The following TRPC7 variants were observed in gnomAD, a reference collection of about 807,000 sequenced individuals.
The protein encoded by TRPC7 is short transient receptor potential channel 7.
Under a neutral mutation model 90.1 loss-of-function variants are expected in TRPC7, and 42 were observed. The observed-to-expected ratio is 0.47, with a 90% confidence interval of 0.36 to 0.60. TRPC7 has a LOEUF of 0.60. TRPC7 is among the 20% of genes least tolerant of loss of function. The pLI, the probability that TRPC7 is intolerant of heterozygous loss-of-function variation, is 0.00. For synonymous variants in TRPC7, 451 were observed against 436.3 expected, an observed-to-expected ratio of 1.03 and a Z score of -0.42; for missense variants, 955 against 1,112.3, an observed-to-expected ratio of 0.86 and a Z score of 2.01.
chr5:136,329,648 G>A (rs1284917250), intron 2 of TRPC7, among the ~76,000 whole-genome samples: 2 of 152,136 alleles, frequency 1.3e-5, no homozygotes, highest in Admixed American at 6.5e-5. Context: ...TGATGAATAC[G>A]AGCTGACTTT....
At chr5:136,345,556 G>A (rs553034356) in intron 2 of TRPC7, among the ~76,000 whole-genome samples, 13 of 151,256 alleles carry the variant, frequency 8.6e-5, no homozygotes, top group East Asian at 1.9e-4. Flanking sequence ...GCGAGACTCC[G>A]CCTCAAAAAA....
intron 4 of TRPC7, among the ~76,000 whole-genome samples, chr5:136,269,440 C>A (rs1234567918): frequency 6.6e-6 from 1 of 152,234 alleles, no homozygotes; most frequent in East Asian, 1.9e-4. Flanking sequence ...CTCTTAGCCC[C>A]CACAAGTGTA....
intron 2 of TRPC7, among the ~76,000 whole-genome samples, chr5:136,341,794 T>C (rs1354022793): frequency 2.0e-5 from 3 of 152,194 alleles, no homozygotes; most frequent in East Asian, 1.9e-4. Flanking sequence ...TGACAATGAA[T>C]TTTTCAACCA....
At chr5:136,276,274 C>T (rs1757363507) in intron 3 of TRPC7, among the ~76,000 whole-genome samples, 1 of 152,210 alleles carries the variant, frequency 6.6e-6, no homozygotes, top group South Asian at 2.1e-4. Flanking sequence ...TCAGGATACC[C>T]ATGTGCTTCC....
chr5:136,232,483 G>T (rs1746300896), intron 7 of TRPC7, among the ~76,000 whole-genome samples: 1 of 152,210 alleles, frequency 6.6e-6, no homozygotes, highest in African/African-American at 2.4e-5. Context: ...GAATGAGAGT[G>T]GGGATTTTGG....
intron 3 of TRPC7, among the ~76,000 whole-genome samples, chr5:136,299,491 A>G (rs1019332782): frequency 6.6e-6 from 1 of 152,182 alleles, no homozygotes; most frequent in African/African-American, 2.4e-5. Context: ...AAATTAAAAC[A>G]TAAATTAAGC....
chr5:136,251,694 G>C lies in TRPC7; in HGVS notation c.1534C>G (p.Leu512Val), dbSNP rs775071978. 10 of 1,613,118 alleles carry C rather than the reference G, an allele frequency of 6.2e-6. No individual in the cohort carries two copies. The South Asian group carries it at 8.8e-5, about 14-fold the overall frequency. ...TCCGGCGGAAGCGAGACATTGTGCA[G>C]CGTGTCGTCCTGCACGTGCTGGTCC... Reference protein sequence around the residue: ...YVDQHVQDDTLHNVSLPPEVA... With the variant: ...YVDQHVQDDTVHNVSLPPEVA... The change falls in exon 6 of 12, where the codon CTG becomes GTG. Residue 512 changes from leucine (L) to valine (V), a missense_variant. Coordinates refer to ENST00000513104, the MANE Select transcript of TRPC7 (RefSeq NM_020389.3).
chr5:136,355,759 C>G (rs1760349861), intron 2 of TRPC7, among the ~76,000 whole-genome samples: 1 of 152,140 alleles, frequency 6.6e-6, no homozygotes, highest in African/African-American at 2.4e-5. Context: ...GATCGTGCCA[C>G]TGCACTCTAG....
At chr5:136,353,261 T>C (rs1161043115) in intron 2 of TRPC7, among the ~76,000 whole-genome samples, 3 of 152,334 alleles carry the variant, frequency 2.0e-5, no homozygotes, top group East Asian at 1.9e-4. Context: ...GTGTCTATTC[T>C]GGTGATAAAT....
chr5:136,305,271 C>T (rs1758574102), intron 3 of TRPC7, among the ~76,000 whole-genome samples: 1 of 152,146 alleles, frequency 6.6e-6, no homozygotes, highest in African/African-American at 2.4e-5. Flanking sequence ...CTGTTCCTCA[C>T]CCTGATCACG....
At chr5:136,353,413 C>A in intron 2 of TRPC7, among the ~76,000 whole-genome samples, 1 of 152,256 alleles carries the variant, frequency 6.6e-6, no homozygotes, top group Non-Finnish European at 1.5e-5. Flanking sequence ...CAATGAGAAT[C>A]TGATAGTTTT....
intron 8 of TRPC7, 178 bp from the exon 9 acceptor site, chr5:136,226,433 A>G: frequency 1.7e-6 from 1 of 600,294 alleles, no homozygotes; most frequent in Admixed American, 3.0e-5. Context: ...AAAACCATGC[A>G]CAATGGTCAC....
intron 6 of TRPC7, among the ~76,000 whole-genome samples, chr5:136,250,433 A>G (rs1160533591): frequency 2.0e-5 from 3 of 152,172 alleles, no homozygotes; most frequent in Non-Finnish European, 4.4e-5. Flanking sequence ...CAATCCCTTC[A>G]AGATGTTGTA....
chr5:136,248,746 CA>C (rs1345210274), intron 6 of TRPC7, among the ~76,000 whole-genome samples: 1 of 152,220 alleles, frequency 6.6e-6, no homozygotes, highest in Non-Finnish European at 1.5e-5. Context: ...ATTTCTGCTG[CA>C]GAGCAAACCT....
At chr5:136,304,203 C>T (rs1262874340) in intron 3 of TRPC7, among the ~76,000 whole-genome samples, 2 of 151,912 alleles carry the variant, frequency 1.3e-5, no homozygotes, top group Non-Finnish European at 2.9e-5. Context: ...CCTTAGCCCA[C>T]AAGTATAAGA....
intron 4 of TRPC7, among the ~76,000 whole-genome samples, chr5:136,272,240 C>A (rs753692183): frequency 1.6e-4 from 25 of 152,160 alleles, no homozygotes; most frequent in Non-Finnish European, 2.6e-4. Flanking sequence ...AAGTCAGTGA[C>A]CCCTCAGGAG....
chr5:136,332,349 C>A lies in TRPC7; in HGVS notation c.781-16570G>T, dbSNP rs535532686. Among the ~76,000 whole-genome samples the A allele has an allele frequency of 1.7e-3, 256 of 152,228 alleles. 3 individuals are homozygous for A. Among genetic ancestry groups the A allele is most frequent in the Non-Finnish European group, 2.3e-3 (157 of 68,014 alleles). ...CGATGATCAGAGCCCCGACAGGCAC[C>A]TGCACGGACTGTGACGACTGCAGCT... On this transcript the variant is annotated intron_variant, in intron 2 of 11. Coordinates refer to ENST00000513104, the MANE Select transcript of TRPC7 (RefSeq NM_020389.3).
chr5:136,306,630 C>T (rs1231181427), intron 3 of TRPC7, among the ~76,000 whole-genome samples: 1 of 152,060 alleles, frequency 6.6e-6, no homozygotes, highest in African/African-American at 2.4e-5. Flanking sequence ...ATCCAGATGG[C>T]CTGAAGTAAC....
At chr5:136,288,420 T>C (rs1442751984) in intron 3 of TRPC7, among the ~76,000 whole-genome samples, 3 of 146,876 alleles carry the variant, frequency 2.0e-5, no homozygotes, top group Non-Finnish European at 4.5e-5. Flanking sequence ...TTTTTTTTTT[T>C]CTAGTAATAG....
Sources: gnomAD v4.1 joint callset for allele counts (sites outside exome capture counted in the v4.1 genomes callset) on GRCh38, gnomAD v4.1.1 for gene constraint, MANE v1.5 for transcripts, NCBI Gene and HGNC (gene_info 2026-07-23, HGNC 2026-07-21) for gene names.